The following TSPAN12 variants were observed in gnomAD, a reference collection of about 807,000 sequenced individuals.
TSPAN12 encodes the protein tetraspanin-12.
TSPAN12 carries 19 observed loss-of-function variants against 39.2 expected under a neutral mutation model. That is an observed-to-expected ratio of 0.49 (90% CI 0.34 to 0.71). TSPAN12 has a LOEUF of 0.71. Ranked by LOEUF, TSPAN12 falls within the 30% of genes least tolerant of loss-of-function variation. The pLI is 0.01. For synonymous variants in TSPAN12, 119 were observed against 124.8 expected (o/e 0.95, Z 0.31); for missense variants, 314 against 359.9 (o/e 0.87, Z 1.03).
Position 120,856,718 on chromosome 7 carries a change from C to T in TSPAN12, c.46G>A (p.Ala16Thr). 1 of 1,614,198 alleles carries T rather than the reference C, an allele frequency of 6.2e-7. No individual in the cohort carries two copies. The highest frequency in any genetic ancestry group is 8.5e-7 in the Non-Finnish European group (1 of 1,180,034). Residue 16 changes from alanine (A) to threonine (T), a missense_variant, in exon 2 of 8, where the codon GCC becomes ACC. Ala to Thr is a moderately conservative substitution (Grantham distance 58). Transcript: ENST00000222747. The part of the protein sequence containing the change: ...SVKCLRCLLY[A>T]LNLLFWLMSI... ...CTTACCCAAAAGAGCAGATTGAGGGCGTAGAGCAGGCAGCGCAGACACTTC... is the reference window on the plus strand; with the variant it reads ...CTTACCCAAAAGAGCAGATTGAGGGTGTAGAGCAGGCAGCGCAGACACTTC...
chr7:120,796,609 C>T (rs1793636324), intron 7 of TSPAN12, among the ~76,000 whole-genome samples: 1 of 152,172 alleles, frequency 6.6e-6, no homozygotes, highest in Admixed American at 6.5e-5. Flanking sequence ...AAAAAAATCT[C>T]TACACTCAGC....
Position 120,856,697 on chromosome 7 carries a change from C to CCCAA in TSPAN12, c.63_66dup (p.Met24ValfsTer19). ...CTGTTGGTGCAGTGAAACTTACTTA[C>CCCAA]CCAAAAGAGCAGATTGAGGGCGTAG... On this transcript the variant is annotated frameshift_variant and splice_region_variant. Transcript: ENST00000222747. LOFTEE classifies it high-confidence loss of function. The CCCAA allele has an allele frequency of 6.2e-7, 1 of 1,614,196 alleles. No individual in the cohort carries two copies. Among genetic ancestry groups the CCCAA allele is most frequent in the African/African-American group, 1.3e-5 (1 of 75,064 alleles).
intron 4 of TSPAN12, among the ~76,000 whole-genome samples, chr7:120,836,077 T>A (rs150655630): frequency 1.2e-3 from 178 of 152,308 alleles, no homozygotes; most frequent in Admixed American, 2.3e-3. Flanking sequence ...TAGGAAAGCC[T>A]GAACTTGGGC....
intron 4 of TSPAN12, among the ~76,000 whole-genome samples, chr7:120,837,367 A>G (rs1272584890): frequency 6.7e-6 from 1 of 149,050 alleles, no homozygotes; most frequent in Non-Finnish European, 1.5e-5. Context: ...GCTGGAGTGC[A>G]GTGACGTGAT....
chr7:120,804,953 T>C (rs1793841612), intron 7 of TSPAN12, among the ~76,000 whole-genome samples: 1 of 152,034 alleles, frequency 6.6e-6, no homozygotes, highest in Non-Finnish European at 1.5e-5. Flanking sequence ...TGAAATAGAT[T>C]TCTCCTCATG....
intron 2 of TSPAN12, among the ~76,000 whole-genome samples, chr7:120,848,930 G>A (rs1414037133): frequency 6.6e-6 from 1 of 152,150 alleles, no homozygotes; most frequent in Admixed American, 6.5e-5. Flanking sequence ...AACTAAACCT[G>A]ATATTAAACC....
chr7:120,846,096 G>A (rs751498978), intron 2 of TSPAN12, among the ~76,000 whole-genome samples: 5 of 152,134 alleles, frequency 3.3e-5, no homozygotes, highest in Non-Finnish European at 7.4e-5. Flanking sequence ...GGCCAGAGGA[G>A]GAGTAAGAGA....
chr7:120,854,619 G>A (rs924977317), intron 2 of TSPAN12, among the ~76,000 whole-genome samples: 5 of 152,128 alleles, frequency 3.3e-5, no homozygotes, highest in African/African-American at 1.2e-4. Flanking sequence ...GGCTACTTTT[G>A]TTTTTGTTGT....
At chr7:120,798,464 T>G (rs1793676235) in intron 7 of TSPAN12, among the ~76,000 whole-genome samples, 1 of 152,184 alleles carries the variant, frequency 6.6e-6, no homozygotes, top group East Asian at 1.9e-4. Flanking sequence ...CCACTGAACC[T>G]GCAAACTGCA....
chr7:120,824,205 G>C (rs1398115380), intron 4 of TSPAN12, among the ~76,000 whole-genome samples: 1 of 151,564 alleles, frequency 6.6e-6, no homozygotes, highest in Non-Finnish European at 1.5e-5. Flanking sequence ...GGCCAAAGTG[G>C]GCAGATCACA....
intron 4 of TSPAN12, among the ~76,000 whole-genome samples, chr7:120,828,404 C>T (rs1366382313): frequency 2.0e-5 from 3 of 152,170 alleles, no homozygotes; most frequent in Admixed American, 6.5e-5. Context: ...ATATCTGATA[C>T]ACATATACCC....
Position 120,788,322 on chromosome 7 carries a change from C to T in TSPAN12, c.*270G>A. ...CTAATCAAACCATGCTGCCTCAAAA[C>T]ATAACTGTGTTCAGTAAAAGTCATA... On this transcript the variant is annotated 3_prime_UTR_variant, in exon 8 of 8. Coordinates refer to ENST00000222747, the MANE Select transcript of TSPAN12 (RefSeq NM_012338.4). 3 of 467,932 alleles carry T rather than the reference C, an allele frequency of 6.4e-6. No individual in the cohort carries two copies. In the South Asian group the frequency reaches 6.6e-5, roughly 10 times the overall value. The allele number at this position is 467,932 out of a possible 1,614,324, so 29.0% of individuals were successfully genotyped here. A position where few individuals can be genotyped will look rare whatever the true frequency, so the allele number is the denominator to read the frequency against.
chr7:120,828,953 T>G (rs898127868), intron 4 of TSPAN12, among the ~76,000 whole-genome samples: 2 of 152,194 alleles, frequency 1.3e-5, no homozygotes, highest in African/African-American at 4.8e-5. Context: ...TAGAATTGTA[T>G]TCATATTCTT....
At position 120,810,474 on chromosome 7, in the gene TSPAN12, A is replaced by G. The variant is rs886061958; in HGVS notation, c.457T>C (p.Phe153Leu). ...ATTGTAGCACTTACCTCTCTCTGAA[A>G]AAAATTCCAAGCATGAGTAAGCCAC... The part of the protein sequence containing the change: ...YRWLTHAWNF[F>L]QREFKCCGVV... The change falls in exon 6 of 8, where the codon TTT becomes CTT. Residue 153 changes from phenylalanine to leucine, a missense_variant. By Grantham distance (22) the Phe-to-Leu change is conservative. Coordinates refer to ENST00000222747, the MANE Select transcript of TSPAN12 (RefSeq NM_012338.4). 6.8e-6 allele frequency: 11 copies of G among 1,611,880 alleles called. No homozygotes were observed. Among genetic ancestry groups the G allele is most frequent in the Non-Finnish European group, 9.3e-6 (11 of 1,178,170 alleles).
At chr7:120,831,137 C>T (rs564959139) in intron 4 of TSPAN12, among the ~76,000 whole-genome samples, 2 of 151,874 alleles carry the variant, frequency 1.3e-5, no homozygotes, top group African/African-American at 4.8e-5. Context: ...ATCAAAAAGA[C>T]AAAAGATAAC....
chr7:120,856,456 C>T (rs1794872360), intron 2 of TSPAN12, among the ~76,000 whole-genome samples: 1 of 152,210 alleles, frequency 6.6e-6, no homozygotes, highest in Admixed American at 6.5e-5. Flanking sequence ...CCTAGATTAA[C>T]TTCAAGTCTA....
chr7:120,857,216 A>G (rs549889056), intron 1 of TSPAN12: 69 of 292,710 alleles, frequency 2.4e-4, no homozygotes, highest in Admixed American at 9.5e-4. Flanking sequence ...AAGGTGAGAA[A>G]CCACACTGCC....
chr7:120,841,614 AT>A (rs1421339617), intron 2 of TSPAN12, among the ~76,000 whole-genome samples: 2 of 83,214 alleles, frequency 2.4e-5, no homozygotes, highest in African/African-American at 9.9e-5. Context: ...TACTTTGATT[AT>A]TTTAGGTATG....
chr7:120,789,025 G>A, intron 7 of TSPAN12, 128 bp from the exon 8 acceptor site: 1 of 966,304 alleles, frequency 1.0e-6, no homozygotes, highest in Non-Finnish European at 1.6e-6. Flanking sequence ...GTTTAAGACA[G>A]TGGTTCTCAG....
Sources: allele counts gnomAD v4.1 joint callset (sites outside exome capture counted in the v4.1 genomes callset), GRCh38; gene constraint gnomAD v4.1.1; transcripts MANE v1.5; gene names NCBI Gene and HGNC (gene_info 2026-07-23, HGNC 2026-07-21).